The following CNTNAP3B variants were observed in gnomAD, a reference collection of about 807,000 sequenced individuals.
CNTNAP3B encodes the protein contactin associated protein family member 3B, also known as contactin-associated protein-like 3B.
A neutral mutation model predicts 108.9 loss-of-function variants in CNTNAP3B; 25 were observed. That is an observed-to-expected ratio of 0.23 (90% CI 0.17 to 0.32). The LOEUF is 0.32. CNTNAP3B is among the 10% of genes least tolerant of loss of function. The pLI is 1.00. For synonymous variants in CNTNAP3B, 103 were observed against 473.4 expected (o/e 0.22, Z 10.16); for missense variants, 252 against 1,210.4 (o/e 0.21, Z 11.75).
At chr9:42,109,461 T>C (rs1436749404) in intron 1 of CNTNAP3B, among the ~76,000 whole-genome samples, 1 of 145,970 alleles carries the variant, frequency 6.9e-6, no homozygotes, top group African/African-American at 2.6e-5. Flanking sequence ...AAAGAATGCA[T>C]GGATAATACA....
intron 3 of CNTNAP3B, among the ~76,000 whole-genome samples, chr9:42,044,825 T>C (rs1463020296): frequency 7.8e-6 from 1 of 128,100 alleles, no homozygotes. Flanking sequence ...CTTTACAATG[T>C]ATAGCTCTCT....
At chr9:42,124,688 G>T (rs1828530620) in intron 1 of CNTNAP3B, among the ~76,000 whole-genome samples, 1 of 125,430 alleles carries the variant, frequency 8.0e-6, no homozygotes, top group East Asian at 2.5e-4. Flanking sequence ...AGTCTGACGG[G>T]TTCATTCAGA....
chr9:41,988,238 ATTTTTTTTTTTTTT>A (rs1209677991), intron 8 of CNTNAP3B, among the ~76,000 whole-genome samples: 2 of 25,872 alleles, frequency 7.7e-5, no homozygotes, highest in African/African-American at 2.3e-4. Flanking sequence ...CCTTCTTTGA[ATTTTTTTTTTTTTT>A]TTTTTTTTTT....
chr9:42,109,652 C>A (rs1828150862), intron 1 of CNTNAP3B, among the ~76,000 whole-genome samples: 1 of 142,014 alleles, frequency 7.0e-6, no homozygotes, highest in African/African-American at 2.8e-5. Flanking sequence ...AACCACACTG[C>A]ACTTGTGGCT....
chr9:41,944,831 C>T (rs1316807485), intron 13 of CNTNAP3B, among the ~76,000 whole-genome samples: 16 of 152,400 alleles, frequency 1.0e-4, no homozygotes, highest in Admixed American at 6.5e-5. Flanking sequence ...AGTGAACAGG[C>T]AACCTATAGA....
At chr9:41,915,742 A>T (rs1186616156) in intron 18 of CNTNAP3B, among the ~76,000 whole-genome samples, 2 of 143,028 alleles carry the variant, frequency 1.4e-5, no homozygotes, top group South Asian at 2.2e-4. Flanking sequence ...TAAGATAATC[A>T]TGTTTTTTTT....
In CNTNAP3B at chr9:42,078,661, C is replaced by T. The variant is rs1009725427; in HGVS notation, c.197-1599G>A. Among the ~76,000 whole-genome samples the T allele has an allele frequency of 4.0e-5, 5 of 124,522 alleles. No individual in the cohort carries two copies. The East Asian group carries it at 1.4e-3, about 36-fold the overall frequency. The allele number at this position is 124,522 out of a possible 152,430, so 81.7% of individuals were successfully genotyped here. A position where few individuals can be genotyped will look rare whatever the true frequency, so the allele number is the denominator to read the frequency against. On this transcript the variant is annotated intron_variant, in intron 2 of 23. Transcript: ENST00000377561. ...AGACAGCTAGGAGGTGGACACAGCT[C>T]TTGTTCAAAGTTAAATGTTCTGCTA...
chr9:41,966,851 C>T (rs1224746136), intron 10 of CNTNAP3B, among the ~76,000 whole-genome samples: 1 of 150,268 alleles, frequency 6.7e-6, no homozygotes, highest in Non-Finnish European at 1.5e-5. Context: ...CCTGTAGTTC[C>T]AGCTACTCGG....
In CNTNAP3B at chr9:42,073,034, G is replaced by A. The variant is rs1460699869; in HGVS notation, c.390+3835C>T. On this transcript the variant is annotated intron_variant, in intron 3 of 23. Coordinates refer to ENST00000377561, the MANE Select transcript of CNTNAP3B (RefSeq NM_001201380.3). ...CAGATTTTGCTGCTAAATAAATTTG[G>A]GTCTGCTTAGGGTTCACCATTTTAA... is the stretch of plus-strand genomic sequence containing the variant. Among the ~76,000 whole-genome samples the A allele has an allele frequency of 2.9e-5, 4 of 139,158 alleles. 2 individuals carry two copies. Among genetic ancestry groups the A allele is most frequent in the Admixed American group, 1.4e-4 (2 of 13,968 alleles). 91.3% of individuals were successfully genotyped at this position (139,158 alleles called of 152,430 possible). A position where few individuals can be genotyped will look rare whatever the true frequency, so the allele number is the denominator to read the frequency against.
chr9:41,924,758 A>G (rs1396167773), intron 15 of CNTNAP3B, among the ~76,000 whole-genome samples: 1 of 152,234 alleles, frequency 6.6e-6, no homozygotes, highest in Non-Finnish European at 1.5e-5. Flanking sequence ...CCTTCTGTCC[A>G]AAACCCATCA....
rs1443269924 is a variant in CNTNAP3B at position 42,111,067 on chromosome 9, C to T, written c.86-6328G>A. ...CACTCCATGGGGTCTGAAGGGGGCT[C>T]ACCCTACCACCTGGGGCCAGCACAG... On this transcript the variant is annotated intron_variant, in intron 1 of 23. Coordinates refer to ENST00000377561, the MANE Select transcript of CNTNAP3B (RefSeq NM_001201380.3). Among the ~76,000 whole-genome samples, 8 of 138,494 alleles carry T rather than the reference C, an allele frequency of 5.8e-5. 1 individual carries two copies. The Admixed American group carries it at 5.8e-4, about 10-fold the overall frequency. The allele number at this position is 138,494 out of a possible 152,430, so 90.9% of individuals were successfully genotyped here.
chr9:42,095,677 T>C lies in CNTNAP3B; in HGVS notation c.196+8952A>G, dbSNP rs1229765641. 3.6e-5 allele frequency among the ~76,000 whole-genome samples: 5 copies of C among 138,956 alleles called. 1 individual carries two copies. The highest frequency in any genetic ancestry group is 7.7e-5 in the Non-Finnish European group (5 of 64,918). 91.2% of individuals were successfully genotyped at this position (138,956 alleles called of 152,430 possible). On this transcript the variant is annotated intron_variant, in intron 2 of 23. Coordinates refer to ENST00000377561, the MANE Select transcript of CNTNAP3B (RefSeq NM_001201380.3). ...TAGTAGGAGCTGGAATTCTGGCTGA[T>C]ACAGAGACTGGAAGTAGTCACAACA...
At chr9:41,937,575 CA>C (rs1191411194) in intron 14 of CNTNAP3B, among the ~76,000 whole-genome samples, 1 of 152,196 alleles carries the variant, frequency 6.6e-6, no homozygotes, top group African/African-American at 2.4e-5. Flanking sequence ...AGAATAACCT[CA>C]AAAAGAACTT....
intron 4 of CNTNAP3B, among the ~76,000 whole-genome samples, chr9:41,999,521 C>G (rs1320153831): frequency 1.7e-5 from 2 of 118,044 alleles, no homozygotes; most frequent in East Asian, 2.6e-4. Context: ...TTAAAACTCT[C>G]TCTCTCTCTC....
At chr9:41,931,595 G>C (rs1434504969) in intron 14 of CNTNAP3B, among the ~76,000 whole-genome samples, 1 of 151,264 alleles carries the variant, frequency 6.6e-6, no homozygotes, top group South Asian at 2.1e-4. Context: ...CTAAAACCCT[G>C]TTGCTTTACC....
intron 1 of CNTNAP3B, among the ~76,000 whole-genome samples, chr9:42,124,144 G>T (rs1416345804): frequency 7.3e-6 from 1 of 137,826 alleles, no homozygotes; most frequent in African/African-American, 2.9e-5. Context: ...TAGTTATAAG[G>T]TTAAAACTAT....
intron 13 of CNTNAP3B, among the ~76,000 whole-genome samples, chr9:41,948,150 G>T (rs1261925506): frequency 3.3e-5 from 5 of 149,420 alleles, no homozygotes; most frequent in African/African-American, 1.2e-4. Flanking sequence ...GGAGTGCAGT[G>T]GTGTGATCTT....
intron 9 of CNTNAP3B, chr9:41,980,032 G>A (rs1399298947): frequency 1.8e-4 from 14 of 77,808 alleles, no homozygotes; most frequent in African/African-American, 8.8e-4. Context: ...ATGGAGGTTG[G>A]AATGTGTATC....
intron 4 of CNTNAP3B, among the ~76,000 whole-genome samples, chr9:42,003,310 C>T (rs1457322066): frequency 1.0e-5 from 1 of 98,490 alleles, no homozygotes; most frequent in Non-Finnish European, 2.1e-5. Flanking sequence ...CTTGTACTGC[C>T]TTTTCAGGGG....
Sources: gnomAD v4.1 joint callset for allele counts (sites outside exome capture counted in the v4.1 genomes callset) on GRCh38, gnomAD v4.1.1 for gene constraint, MANE v1.5 for transcripts, NCBI Gene and HGNC (gene_info 2026-07-23, HGNC 2026-07-21) for gene names.